Variants in NCL observed in about 807,000 individuals in gnomAD.
NCL encodes nucleolin multifunctional protein.
Under a neutral mutation model 77.7 loss-of-function variants are expected in NCL, and 4 were observed. That is an observed-to-expected ratio of 0.05 (90% confidence interval 0.03 to 0.12). The LOEUF (loss-of-function observed/expected upper bound fraction) is 0.12. Ranked by LOEUF, NCL falls within the 10% of genes least tolerant of loss-of-function variation. The probability of loss-of-function intolerance (pLI) is 1.00; values close to 1 mark genes in which losing one functional copy is unlikely to be tolerated. For missense variants in NCL, 763 were observed against 860.9 expected (o/e 0.89, Z 1.42); for synonymous variants, 344 against 297.8 (o/e 1.16, Z -1.60).
chr2:231,458,422 C>G lies in NCL; in HGVS notation c.1166-33G>C, dbSNP rs755942031. The G allele has an allele frequency of 8.7e-6, 14 of 1,603,012 alleles. No homozygotes were observed. In the African/African-American group the frequency reaches 1.9e-4, roughly 22 times the overall value. ...AAAAAAACAAAAATGAGCTCTGTGG[C>G]CTGAAAAACCAAAGGTGGGGGGCAA... On this transcript the variant is annotated intron_variant, in intron 7 of 13. Coordinates refer to ENST00000322723, the MANE Select transcript of NCL (RefSeq NM_005381.3).
Position 231,459,096 on chromosome 2 carries a change from G to A in NCL, c.1070C>T (p.Ala357Val), listed in dbSNP as rs1349359256. 2.6e-5 allele frequency: 41 copies of A among 1,590,036 alleles called. No homozygotes were observed. The highest frequency in any genetic ancestry group is 3.2e-5 in the Non-Finnish European group (38 of 1,172,154). The change falls in exon 7 of 14, where the codon GCT (alanine) becomes GTT (valine). Residue 357 changes from alanine (A) to valine (V), a missense_variant. Physicochemically the swap from Ala to Val is moderately conservative, Grantham distance 64 (BLOSUM62 0). This residue lies in a region of NCL where 590 missense variants were observed against 570.5 expected (regional missense o/e 1.03). Transcript: ENST00000322723. ...RKFGYVDFESAEDLEKALELT... is the reference protein window; with the variant it reads ...RKFGYVDFESVEDLEKALELT... Reference sequence around the variant, plus strand: ...TTCCAACGCTTTCTCCAGGTCTTCAGCAGATTCAAAATCCACATAACCAAA... The same window carrying A: ...TTCCAACGCTTTCTCCAGGTCTTCAACAGATTCAAAATCCACATAACCAAA...
In NCL at chr2:231,455,233, T is replaced by C. The variant is rs779747166; in HGVS notation, c.2091A>G (p.Gly697=). The C allele has an allele frequency of 6.2e-7, 1 of 1,613,588 alleles. No individual in the cohort carries two copies. Among genetic ancestry groups the C allele is most frequent in the Non-Finnish European group, 8.5e-7 (1 of 1,179,594 alleles). ...RGGFRGGRGG[G]GDHKPQGKKT... is the part of the protein sequence containing the mutation. ...TCTTTCCTTGTGGCTTGTGGTCACC[T>C]CCTCCTCCTCTGCCTCCTCGGAAGC... is the stretch of plus-strand genomic sequence containing the variant. Residue 697 remains glycine (G), a synonymous_variant, in exon 14 of 14, where the codon GGA becomes GGG. Transcript: ENST00000322723.
chr2:231,458,981 T>A lies in NCL; in HGVS notation c.1165+20A>T. The A allele has an allele frequency of 6.5e-7, 1 of 1,544,446 alleles. No homozygotes were observed. Among genetic ancestry groups the A allele is most frequent in the East Asian group, 2.4e-5 (1 of 41,632 alleles). ...TCTAGCTCCTGAGTTCATTGCATAA[T>A]CTCATAAAGCCTTACATACCTTTCT... On this transcript the variant is annotated intron_variant, in intron 7 of 13. Transcript: ENST00000322723.
Position 231,456,000 on chromosome 2 carries a change from C to T in NCL, c.1832+10G>A, listed in dbSNP as rs546001499. ...CAAGTGGAAGCAGCACTCACGCTTC[C>T]TTCCCTTACCCTTTGGAGGACCCAG... On this transcript the variant is annotated intron_variant, in intron 12 of 13. Transcript: ENST00000322723. 6.2e-7 allele frequency: 1 copy of T among 1,614,226 alleles called. No homozygotes were observed. The highest frequency in any genetic ancestry group is 1.1e-5 in the South Asian group (1 of 91,084).
rs2046867890 is a variant in NCL, at chr2:231,454,859, AAC to A, written c.*330_*331del. The A allele has an allele frequency of 5.1e-5, 10 of 195,058 alleles. No homozygotes were observed. The highest frequency in any genetic ancestry group is 1.7e-4 in the Admixed American group (3 of 18,082). The allele number at this position is 195,058 out of a possible 1,614,324, so 12.1% of individuals were successfully genotyped here. A position where few individuals can be genotyped will look rare whatever the true frequency, so the allele number is the denominator to read the frequency against. The stretch of plus-strand genomic sequence containing the variant: ...ACCCCACGAACGCAAAAAAAAAAAA[AAC>A]AAAAACAAAACAAAAAAAAGAAACA... On this transcript the variant is annotated 3_prime_UTR_variant, in exon 14 of 14. Transcript: ENST00000322723.
In NCL at chr2:231,458,295, T is replaced by A. The variant is rs1300994622; in HGVS notation, c.1260A>T (p.Arg420Ser). 1 of 1,614,102 alleles carries A rather than the reference T, an allele frequency of 6.2e-7. No individual in the cohort carries two copies. The highest frequency in any genetic ancestry group is 1.1e-5 in the South Asian group (1 of 91,066). The change falls in exon 8 of 14, where the codon AGA becomes AGT. Residue 420 changes from arginine (R) to serine (S), a missense_variant. Physicochemically the swap from Arg to Ser is moderately radical, Grantham distance 110. Coordinates refer to ENST00000322723, the MANE Select transcript of NCL (RefSeq NM_005381.3). ...TACTTTTCCCATCCTTGCTGACTAA[T>A]CTGATCTCCGCAGCATCTTCAAACA... is the stretch of plus-strand genomic sequence containing the variant. ...KEVFEDAAEIRLVSKDGKSKG... is the reference protein window; with the variant it reads ...KEVFEDAAEISLVSKDGKSKG...
chr2:231,458,271 A>G lies in NCL; in HGVS notation c.1284T>C (p.Ser428=). 1 of 1,613,630 alleles carries G rather than the reference A, an allele frequency of 6.2e-7. No individual in the cohort carries two copies. The highest frequency in any genetic ancestry group is 8.5e-7 in the Non-Finnish European group (1 of 1,179,826). ...EIRLVSKDGK[S]KGIAYIEFKT... ...TTTCAATAGACAGAACATACCCTTT[A>G]CTTTTCCCATCCTTGCTGACTAATC... is the stretch of plus-strand genomic sequence containing the variant. Residue 428 remains serine, a synonymous_variant, in exon 8 of 14, where the codon AGT becomes AGC. Transcript: ENST00000322723.
chr2:231,463,387 T>G (rs2046970485), intron 1 of NCL, 71 bp from the exon 2 acceptor site: 1 of 971,594 alleles, frequency 1.0e-6, no homozygotes, highest in Admixed American at 2.0e-5. Context: ...TTGCCATTAG[T>G]GTTCATACGC....
rs763897742 is a variant in NCL, at chr2:231,461,667, G to GTCCTCGTCA, written c.477_485dup (p.Asp160_Asp162dup). The GTCCTCGTCA allele has an allele frequency of 1.3e-4, 214 of 1,610,188 alleles. 2 individuals carry two copies. Among genetic ancestry groups the GTCCTCGTCA allele is most frequent in the Non-Finnish European group, 1.4e-4 (164 of 1,176,704 alleles). ...CAATTTCATCTTCATCCTCATCCTC[G>GTCCTCGTCA]TCCTCGTCATCCTCCTCATCCTCCT... is the stretch of plus-strand genomic sequence containing the variant. On this transcript the variant is annotated inframe_insertion, in exon 3 of 14. Transcript: ENST00000322723.
At chr2:231,461,301 T>C (rs1031225173) in intron 3 of NCL, among the ~76,000 whole-genome samples, 2 of 143,266 alleles carry the variant, frequency 1.4e-5, no homozygotes, top group African/African-American at 5.2e-5. Context: ...AAAAAAAAAA[T>C]CACTTAGAAA....
In NCL at chr2:231,455,441, G is replaced by A. The variant is rs1042003210; in HGVS notation, c.2016C>T (p.Gly672=). 1.2e-6 allele frequency: 2 copies of A among 1,613,930 alleles called. No individual in the cohort carries two copies. The highest frequency in any genetic ancestry group is 4.5e-5 in the East Asian group (2 of 44,876). The change falls in exon 13 of 14, where the codon GGC becomes GGT. Residue 672 remains glycine, a synonymous_variant. Transcript: ENST00000322723. The part of the protein sequence containing the change: ...GFGGRGGGRG[G]RGGFGGRGRG... ...GGCCTCTGCCACCAAATCCTCCTCG[G>A]CCTCCTCTACCACCACCTCGTCCTC...
chr2:231,455,224 G>A lies in NCL; in HGVS notation c.2100C>T (p.His700=), dbSNP rs76610737. The change falls in exon 14 of 14, where the codon CAC becomes CAT. Residue 700 remains histidine, a synonymous_variant. Coordinates refer to ENST00000322723, the MANE Select transcript of NCL (RefSeq NM_005381.3). ...ACTTCGTCTTCTTTCCTTGTGGCTT[G>A]TGGTCACCTCCTCCTCCTCTGCCTC... ...FRGGRGGGGD[H]KPQGKKTKFE The A allele has an allele frequency of 1.2e-6, 2 of 1,611,584 alleles. No individual in the cohort carries two copies. Among genetic ancestry groups the A allele is most frequent in the South Asian group, 1.1e-5 (1 of 90,980 alleles).
intron 1 of NCL, 93 bp from the exon 2 acceptor site, chr2:231,463,409 T>TG: frequency 1.2e-6 from 1 of 820,630 alleles, no homozygotes; most frequent in Non-Finnish European, 2.1e-6. Context: ...ATCATCTCCG[T>TG]CCTCAGATCC....
intron 3 of NCL, 88 bp from the exon 4 acceptor site, chr2:231,460,954 C>T (rs1051614407): frequency 2.9e-5 from 32 of 1,093,724 alleles, no homozygotes; most frequent in Middle Eastern, 4.0e-4. Context: ...GCAATCCTGT[C>T]ACCATGTTTA....
chr2:231,458,663 C>G, intron 7 of NCL: 4 of 473,152 alleles, frequency 8.5e-6, no homozygotes, highest in South Asian at 2.9e-5. Flanking sequence ...TGTACCAATT[C>G]AAAACATTAC....
chr2:231,464,421 G>A lies in NCL; in HGVS notation c.-68C>T. 6 of 1,561,054 alleles carry A rather than the reference G, an allele frequency of 3.8e-6. No individual in the cohort carries two copies. The highest frequency in any genetic ancestry group is 5.2e-6 in the Non-Finnish European group (6 of 1,149,848). On this transcript the variant is annotated 5_prime_UTR_variant, in exon 1 of 14. Coordinates refer to ENST00000322723, the MANE Select transcript of NCL (RefSeq NM_005381.3). ...CCAGAAGAAGCCAAGCGACGGCGAT[G>A]GCGGCCGCGGGTGCTGAAGATCCCG... is the stretch of plus-strand genomic sequence containing the variant.
rs981199488 is a variant in NCL at position 231,464,418 on chromosome 2, G to A, written c.-65C>T. The A allele has an allele frequency of 5.1e-6, 8 of 1,566,774 alleles. No homozygotes were observed. Among genetic ancestry groups the A allele is most frequent in the Non-Finnish European group, 6.9e-6 (8 of 1,153,516 alleles). ...AGTCCAGAAGAAGCCAAGCGACGGC[G>A]ATGGCGGCCGCGGGTGCTGAAGATC... is the stretch of plus-strand genomic sequence containing the variant. On this transcript the variant is annotated 5_prime_UTR_variant, in exon 1 of 14. Coordinates refer to ENST00000322723, the MANE Select transcript of NCL (RefSeq NM_005381.3).
chr2:231,460,760 C>CTCT lies in NCL; in HGVS notation c.717_719dup (p.Glu240dup), dbSNP rs748600031. 6.2e-7 allele frequency: 1 copy of CTCT among 1,613,772 alleles called. No individual in the cohort carries two copies. Among genetic ancestry groups the CTCT allele is most frequent in the African/African-American group, 1.3e-5 (1 of 75,016 alleles). ...CGTCGTCATCCTCGTCCTCATCATC[C>CTCT]TCTTCTTCATCTTCATCCTCAGCCA... On this transcript the variant is annotated inframe_insertion, in exon 4 of 14. Coordinates refer to ENST00000322723, the MANE Select transcript of NCL (RefSeq NM_005381.3).
intron 1 of NCL, 42 bp downstream of exon 1, chr2:231,464,294 A>C (rs975921760): frequency 1.1e-4 from 174 of 1,564,282 alleles, no homozygotes; most frequent in Non-Finnish European, 1.4e-4. Context: ...GCCCCTCGGA[A>C]AGCAGGCCTA....
Sources: allele counts gnomAD v4.1 joint callset (sites outside exome capture counted in the v4.1 genomes callset), GRCh38; gene constraint gnomAD v4.1.1; regional missense constraint gnomAD v4.1.1; transcripts MANE v1.5; gene names NCBI Gene and HGNC (gene_info 2026-07-23, HGNC 2026-07-21).